Variants in PLGRKT observed in about 807,000 individuals in gnomAD.
PLGRKT encodes the protein plasminogen receptor (KT).
A neutral mutation model predicts 18.5 loss-of-function variants in PLGRKT; 22 were observed. The observed-to-expected ratio is 1.19, with a 90% CI of 0.85 to 1.70. PLGRKT has a LOEUF of 1.70. Among genes scored for constraint, PLGRKT ranks in the 40% most tolerant of loss-of-function variants. The probability of loss-of-function intolerance (pLI) is 0.00; values close to 1 mark genes in which losing one functional copy is unlikely to be tolerated. For missense variants in PLGRKT, 235 were observed against 174.4 expected (o/e 1.35, Z -1.96); for synonymous variants, 72 against 52.8 (o/e 1.36, Z -1.58).
At chr9:5,374,669 C>A (rs1817593861) in intron 3 of PLGRKT, among the ~76,000 whole-genome samples, 1 of 152,148 alleles carries the variant, frequency 6.6e-6, no homozygotes, top group South Asian at 2.1e-4. Flanking sequence ...CAGGTTATTT[C>A]CAATGCTAAA....
intron 5 of PLGRKT, among the ~76,000 whole-genome samples, chr9:5,358,962 T>C (rs1817199526): frequency 6.6e-6 from 1 of 152,210 alleles, no homozygotes; most frequent in African/African-American, 2.4e-5. Context: ...CTTAGCACAT[T>C]GTAAAAAATT....
chr9:5,371,494 T>C (rs1350104276), intron 3 of PLGRKT, among the ~76,000 whole-genome samples: 1 of 152,238 alleles, frequency 6.6e-6, no homozygotes, highest in African/African-American at 2.4e-5. Flanking sequence ...CCGCTTTCGC[T>C]TCTTCCTCAT....
chr9:5,395,426 T>C (rs1818025888), intron 3 of PLGRKT, among the ~76,000 whole-genome samples: 1 of 151,942 alleles, frequency 6.6e-6, no homozygotes, highest in South Asian at 2.1e-4. Flanking sequence ...ACTTCAATTC[T>C]GAAGTCACTG....
intron 3 of PLGRKT, among the ~76,000 whole-genome samples, chr9:5,373,845 G>C (rs1817576771): frequency 6.6e-6 from 1 of 152,086 alleles, no homozygotes; most frequent in Non-Finnish European, 1.5e-5. Context: ...AGGAAGCTAA[G>C]GAAGTTCTTC....
chr9:5,365,194 G>T (rs1047262032), intron 3 of PLGRKT, among the ~76,000 whole-genome samples: 32 of 152,130 alleles, frequency 2.1e-4, no homozygotes, highest in Non-Finnish European at 4.4e-5. Flanking sequence ...TGTATAAGAG[G>T]AGCCTACAGA....
intron 3 of PLGRKT, among the ~76,000 whole-genome samples, chr9:5,401,570 C>CA (rs528243517): frequency 1.5e-4 from 22 of 151,302 alleles, no homozygotes; most frequent in South Asian, 2.1e-4. Flanking sequence ...GACTTTGTGT[C>CA]AAAAAAAACA....
At chr9:5,381,510 C>T (rs1208941262) in intron 3 of PLGRKT, among the ~76,000 whole-genome samples, 1 of 152,256 alleles carries the variant, frequency 6.6e-6, no homozygotes, top group Non-Finnish European at 1.5e-5. Flanking sequence ...ACCTCCACCT[C>T]AGTTTCAGAG....
Position 5,389,522 on chromosome 9 carries a change from C to T in PLGRKT, c.82-27634G>A, listed in dbSNP as rs535525878. On this transcript the variant is annotated intron_variant, in intron 3 of 5. Transcript: ENST00000223864. ...GGATCATTAAAATACTTTGGAAAGA[C>T]TTTCCATTTCCTCCAGTACCATCTG... is the stretch of plus-strand genomic sequence containing the variant. Among the ~76,000 whole-genome samples the T allele has an allele frequency of 2.6e-5, 4 of 151,832 alleles. 1 individual carries two copies. The highest frequency in any genetic ancestry group is 9.7e-5 in the African/African-American group (4 of 41,114).
At chr9:5,360,500 T>A (rs916503012) in intron 5 of PLGRKT, among the ~76,000 whole-genome samples, 3 of 152,198 alleles carry the variant, frequency 2.0e-5, no homozygotes, top group South Asian at 4.1e-4. Flanking sequence ...CAGGCCATCA[T>A]TTTTCAACCC....
intron 3 of PLGRKT, among the ~76,000 whole-genome samples, chr9:5,365,423 T>C (rs1033857760): frequency 5.9e-5 from 9 of 152,348 alleles, no homozygotes; most frequent in African/African-American, 1.9e-4. Flanking sequence ...ACAAATATCC[T>C]GTACAGAAGA....
rs530260326 is a variant in PLGRKT, at chr9:5,400,397, C to T, written c.81+31500G>A. 2.6e-5 allele frequency among the ~76,000 whole-genome samples: 4 copies of T among 151,772 alleles called. No homozygotes were observed. In the South Asian group the frequency reaches 8.3e-4, roughly 32 times the overall value. ...ATGTAAAATGATTTAAAAATCAGAC[C>T]AAGTGTAAAATAAATTCCAATTCCA... On this transcript the variant is annotated intron_variant, in intron 3 of 5. Coordinates refer to ENST00000223864, the MANE Select transcript of PLGRKT (RefSeq NM_018465.4).
intron 2 of PLGRKT, among the ~76,000 whole-genome samples, chr9:5,435,138 C>A (rs1008411324): frequency 1.3e-5 from 2 of 151,918 alleles, no homozygotes; most frequent in Non-Finnish European, 2.9e-5. Context: ...TTAAGAGTCA[C>A]CACCACTCCC....
intron 3 of PLGRKT, among the ~76,000 whole-genome samples, chr9:5,407,870 C>G (rs573461924): frequency 1.3e-5 from 2 of 152,230 alleles, no homozygotes; most frequent in African/African-American, 4.8e-5. Flanking sequence ...TTAATTGCAT[C>G]TGTAACTATG....
intron 2 of PLGRKT, among the ~76,000 whole-genome samples, chr9:5,435,119 G>A (rs545345422): frequency 1.3e-5 from 2 of 152,042 alleles, no homozygotes; most frequent in Non-Finnish European, 2.9e-5. Context: ...CTTGAAGACA[G>A]CATGCTCGTT....
intron 3 of PLGRKT, among the ~76,000 whole-genome samples, chr9:5,415,626 A>T (rs1818444865): frequency 6.6e-6 from 1 of 152,222 alleles, no homozygotes; most frequent in Non-Finnish European, 1.5e-5. Context: ...TAACACCACT[A>T]GCAATAAGAC....
At chr9:5,397,411 T>C (rs1375442592) in intron 3 of PLGRKT, among the ~76,000 whole-genome samples, 1 of 151,962 alleles carries the variant, frequency 6.6e-6, no homozygotes, top group African/African-American at 2.4e-5. Context: ...TTTCTTTAAA[T>C]ACTGTATGTC....
intron 3 of PLGRKT, among the ~76,000 whole-genome samples, chr9:5,363,465 C>T (rs1458093943): frequency 6.6e-6 from 1 of 152,006 alleles, no homozygotes; most frequent in East Asian, 2.0e-4. Flanking sequence ...CTTCAGCTAC[C>T]TTCTCTGGCC....
chr9:5,406,766 A>C (rs1017590548), intron 3 of PLGRKT, among the ~76,000 whole-genome samples: 2 of 152,158 alleles, frequency 1.3e-5, no homozygotes, highest in Non-Finnish European at 2.9e-5. Flanking sequence ...AACTAATAAA[A>C]ACCTACATAT....
At chr9:5,404,108 A>C (rs997846312) in intron 3 of PLGRKT, among the ~76,000 whole-genome samples, 1 of 152,152 alleles carries the variant, frequency 6.6e-6, no homozygotes, top group African/African-American at 2.4e-5. Flanking sequence ...ATAGACAATG[A>C]GTTCTGAAAT....
Sources: gnomAD v4.1 joint callset for allele counts (sites outside exome capture counted in the v4.1 genomes callset) on GRCh38, gnomAD v4.1.1 for gene constraint, MANE v1.5 for transcripts, NCBI Gene and HGNC (gene_info 2026-07-23, HGNC 2026-07-21) for gene names.